The following WAC variants were observed in gnomAD, a reference collection of about 807,000 sequenced individuals.
The protein encoded by WAC is WW domain-containing adapter protein with coiled-coil.
In WAC, 11 loss-of-function variants were observed where a neutral mutation model predicts 79.6. The observed-to-expected ratio is 0.14, with a 90% CI of 0.09 to 0.23. The LOEUF (loss-of-function observed/expected upper bound fraction) is 0.23. Ranked by LOEUF, WAC falls within the 10% of genes least tolerant of loss-of-function variation. The probability of loss-of-function intolerance (pLI) is 1.00; values close to 1 mark genes in which losing one functional copy is unlikely to be tolerated. For missense variants in WAC, 728 were observed against 773.5 expected (o/e 0.94, Z 0.70); for synonymous variants, 304 against 276.9 (o/e 1.10, Z -0.97).
At chr10:28,579,454 C>A (rs780396228) in intron 3 of WAC, among the ~76,000 whole-genome samples, 1 of 152,080 alleles carries the variant, frequency 6.6e-6, no homozygotes, top group Non-Finnish European at 1.5e-5. Context: ...AAGTTTTATG[C>A]GTGGATTCTG....
intron 3 of WAC, 121 bp from the exon 4 acceptor site, chr10:28,583,269 TATATTCCTA>T: frequency 1.6e-6 from 1 of 623,044 alleles, no homozygotes; most frequent in Non-Finnish European, 2.7e-6. Context: ...TGACTGTGTA[TATATTCCTA>T]ATGCTTATGT....
At chr10:28,604,110 T>G (rs967752490) in intron 7 of WAC, among the ~76,000 whole-genome samples, 20 of 151,026 alleles carry the variant, frequency 1.3e-4, no homozygotes, top group South Asian at 6.3e-4. Context: ...AAAATAAGTT[T>G]AAGTTAAATT....
intron 3 of WAC, among the ~76,000 whole-genome samples, chr10:28,558,847 G>A (rs2132471322): frequency 6.6e-6 from 1 of 152,296 alleles, no homozygotes; most frequent in South Asian, 2.1e-4. Flanking sequence ...ACTTGATACA[G>A]TTGGCTGGCC....
Position 28,573,583 on chromosome 10 carries a change from C to T in WAC, c.275-9816C>T, listed in dbSNP as rs75704903. Among the ~76,000 whole-genome samples the T allele has an allele frequency of 6.6e-3, 1,012 of 152,292 alleles. 11 individuals carry two copies. Among genetic ancestry groups the T allele is most frequent in the African/African-American group, 0.024 (979 of 41,550 alleles). On this transcript the variant is annotated intron_variant, in intron 3 of 13. Coordinates refer to ENST00000354911, the MANE Select transcript of WAC (RefSeq NM_016628.5). ...TTATTCCAGATTCACAGTCGTGCAC[C>T]ACTTTCTATTCAAAGCATCCCATGG...
At chr10:28,600,502 G>T (rs1009772328) in intron 7 of WAC, among the ~76,000 whole-genome samples, 1 of 152,066 alleles carries the variant, frequency 6.6e-6, no homozygotes, top group African/African-American at 2.4e-5. Context: ...TTCATGAAAA[G>T]TTAGAAAGAT....
intron 3 of WAC, among the ~76,000 whole-genome samples, chr10:28,539,222 A>G (rs1430938552): frequency 2.0e-5 from 3 of 152,180 alleles, no homozygotes; most frequent in Non-Finnish European, 4.4e-5. Flanking sequence ...ATTTCATTGA[A>G]AAATGCTCGT....
intron 3 of WAC, among the ~76,000 whole-genome samples, chr10:28,537,398 A>G (rs1298550108): frequency 6.6e-6 from 1 of 152,210 alleles, no homozygotes; most frequent in East Asian, 1.9e-4. Context: ...GTTGTACTAT[A>G]CTGTATTTAT....
intron 9 of WAC, 151 bp downstream of exon 9, chr10:28,610,972 G>A: frequency 1.3e-6 from 1 of 787,040 alleles, no homozygotes; most frequent in Non-Finnish European, 1.9e-6. Context: ...TTGTAACACT[G>A]GCATATACAG....
intron 7 of WAC, among the ~76,000 whole-genome samples, chr10:28,607,144 CTGAT>C (rs923006779): frequency 2.0e-5 from 3 of 152,128 alleles, no homozygotes; most frequent in Admixed American, 1.3e-4. Context: ...TTTAAATAGT[CTGAT>C]TACCACTACT....
chr10:28,535,415 T>G, intron 2 of WAC, 147 bp from the exon 3 acceptor site: 1 of 996,788 alleles, frequency 1.0e-6, no homozygotes, highest in Non-Finnish European at 1.4e-6. Flanking sequence ...CTGAGAAACT[T>G]TAAAGAGTAA....
intron 7 of WAC, among the ~76,000 whole-genome samples, chr10:28,600,426 G>A (rs1840584289): frequency 6.6e-6 from 1 of 152,126 alleles, no homozygotes; most frequent in South Asian, 2.1e-4. Context: ...TTAACTGGCA[G>A]TGGTAGTGGG....
chr10:28,537,039 C>G (rs1836717654), intron 3 of WAC, among the ~76,000 whole-genome samples: 1 of 152,182 alleles, frequency 6.6e-6, no homozygotes, highest in Non-Finnish European at 1.5e-5. Flanking sequence ...TGATCATATA[C>G]TGAGAAACAT....
chr10:28,566,126 A>G (rs1838589991), intron 3 of WAC, among the ~76,000 whole-genome samples: 1 of 152,230 alleles, frequency 6.6e-6, no homozygotes, highest in African/African-American at 2.4e-5. Flanking sequence ...TTTGATGCCT[A>G]ATAAAGCTTG....
chr10:28,604,667 C>G (rs1242747478), intron 7 of WAC, among the ~76,000 whole-genome samples: 1 of 152,132 alleles, frequency 6.6e-6, no homozygotes, highest in East Asian at 1.9e-4. Flanking sequence ...TTGCAGTGAG[C>G]CAAGATCACG....
Position 28,620,436 on chromosome 10 carries a change from T to C in WAC, c.*830T>C, listed in dbSNP as rs975639728. ...GCTCAAAGTACATTGATTGCTCAAA[T>C]ATAAGGAAATGGCCCAATGAACGTG... On this transcript the variant is annotated 3_prime_UTR_variant, in exon 14 of 14. Transcript: ENST00000354911. The C allele has an allele frequency of 2.0e-5, 3 of 152,622 alleles. No homozygotes were observed. The highest frequency in any genetic ancestry group is 4.4e-5 in the Non-Finnish European group (3 of 68,038). 9.5% of individuals were successfully genotyped at this position (152,622 alleles called of 1,614,324 possible).
At chr10:28,581,773 C>A (rs1173580198) in intron 3 of WAC, among the ~76,000 whole-genome samples, 2 of 152,226 alleles carry the variant, frequency 1.3e-5, no homozygotes, top group African/African-American at 4.8e-5. Flanking sequence ...GTTGGTCAGG[C>A]TGGTCTCGAA....
chr10:28,613,729 GA>G (rs942678608), intron 10 of WAC, among the ~76,000 whole-genome samples: 3 of 152,130 alleles, frequency 2.0e-5, no homozygotes, highest in Non-Finnish European at 4.4e-5. Flanking sequence ...CCCACCAAAA[GA>G]AAAACAGCAG....
intron 7 of WAC, among the ~76,000 whole-genome samples, chr10:28,607,480 T>G (rs759696119): frequency 1.2e-4 from 18 of 152,198 alleles, no homozygotes; most frequent in Non-Finnish European, 1.6e-4. Context: ...TCAAATAATT[T>G]TCCATGCGTA....
At chr10:28,604,510 TC>T (rs1385882928) in intron 7 of WAC, among the ~76,000 whole-genome samples, 4 of 152,012 alleles carry the variant, frequency 2.6e-5, no homozygotes, top group Non-Finnish European at 5.9e-5. Flanking sequence ...GGTGAACAGA[TC>T]AGTTGAGGCC....
Sources: allele counts gnomAD v4.1 joint callset (sites outside exome capture counted in the v4.1 genomes callset), GRCh38; gene constraint gnomAD v4.1.1; transcripts MANE v1.5; gene names NCBI Gene and HGNC (gene_info 2026-07-23, HGNC 2026-07-21).